CDK19: variants seen among roughly 807,000 people sequenced by gnomAD.
CDK19 encodes cyclin-dependent kinase 19.
Under a neutral mutation model 68.3 loss-of-function variants are expected in CDK19, and 20 were observed. That is an observed-to-expected ratio of 0.29 (90% confidence interval 0.21 to 0.43). The LOEUF is 0.43. CDK19 is among the 20% of genes least tolerant of loss of function. The pLI, the probability that CDK19 is intolerant of heterozygous loss-of-function variation, is 1.00. For synonymous variants in CDK19, 221 were observed against 222.8 expected (o/e 0.99, Z 0.07); for missense variants, 339 against 623.5 (o/e 0.54, Z 4.86).
At chr6:110,644,575 C>G (rs117559148) in intron 4 of CDK19, among the ~76,000 whole-genome samples, 4,285 of 152,254 alleles carry the variant, frequency 0.028, 85 homozygotes, top group South Asian at 0.083. Flanking sequence ...CCCATTTACC[C>G]TCTTGTGATT....
chr6:110,814,983 C>G, intron 1 of CDK19, 26 bp downstream of exon 1: 1 of 1,599,802 alleles, frequency 6.3e-7, no homozygotes, highest in Non-Finnish European at 8.5e-7. Context: ...CCCGAGCGAG[C>G]CTACTCCTCC....
At chr6:110,787,757 A>G (rs1781333445) in intron 1 of CDK19, among the ~76,000 whole-genome samples, 1 of 152,142 alleles carries the variant, frequency 6.6e-6, no homozygotes, top group Non-Finnish European at 1.5e-5. Flanking sequence ...TTGAGCTTCC[A>G]TAATTCAGTG....
intron 2 of CDK19, chr6:110,700,691 A>G (rs778978585): frequency 6.1e-6 from 1 of 163,734 alleles, no homozygotes; most frequent in Non-Finnish European, 1.4e-5. Context: ...TCTCAAGTAA[A>G]AGGACCAGTC....
chr6:110,772,515 A>T (rs1054062827), intron 1 of CDK19, among the ~76,000 whole-genome samples: 11 of 152,102 alleles, frequency 7.2e-5, no homozygotes, highest in African/African-American at 2.7e-4. Context: ...AAACAACTAT[A>T]ATTTCCAGAA....
At chr6:110,797,339 CAAAAAAAAA>C (rs879472403) in intron 1 of CDK19, among the ~76,000 whole-genome samples, 2 of 138,790 alleles carry the variant, frequency 1.4e-5, no homozygotes, top group Non-Finnish European at 3.1e-5. Context: ...GACTTCGTCT[CAAAAAAAAA>C]AGAAAAAAAA....
At chr6:110,786,705 T>C (rs569769042) in intron 1 of CDK19, among the ~76,000 whole-genome samples, 5 of 149,376 alleles carry the variant, frequency 3.3e-5, no homozygotes, top group Admixed American at 1.3e-4. Context: ...GTTGAACTCA[T>C]TGGGCTATGG....
At chr6:110,627,350 A>G (rs2114671455) in intron 6 of CDK19, among the ~76,000 whole-genome samples, 1 of 151,670 alleles carries the variant, frequency 6.6e-6, no homozygotes, top group African/African-American at 2.4e-5. Flanking sequence ...ATGTGTGTGT[A>G]TGTGTATATA....
At chr6:110,756,542 A>G (rs2114929762) in intron 1 of CDK19, among the ~76,000 whole-genome samples, 1 of 152,118 alleles carries the variant, frequency 6.6e-6, no homozygotes, top group East Asian at 1.9e-4. Context: ...AGCCTGGGCA[A>G]GACCCTGTCT....
chr6:110,713,478 C>CAAAAA (rs33973234), intron 2 of CDK19, among the ~76,000 whole-genome samples: 3 of 129,590 alleles, frequency 2.3e-5, no homozygotes, highest in Non-Finnish European at 3.1e-5. Context: ...CCTCTTGTCT[C>CAAAAA]AAAAAAAAAA....
At chr6:110,757,095 A>G (rs1778888918) in intron 1 of CDK19, among the ~76,000 whole-genome samples, 1 of 152,174 alleles carries the variant, frequency 6.6e-6, no homozygotes, top group South Asian at 2.1e-4. Context: ...TCTACTCTGG[A>G]CACCAGGGTA....
intron 3 of CDK19, among the ~76,000 whole-genome samples, chr6:110,669,426 A>T (rs1050506910): frequency 4.6e-5 from 7 of 152,174 alleles, no homozygotes; most frequent in African/African-American, 1.7e-4. Context: ...GCAGTGAACC[A>T]TAACTGTGCC....
chr6:110,687,861 C>G (rs1204389198), intron 2 of CDK19, among the ~76,000 whole-genome samples: 6 of 152,134 alleles, frequency 3.9e-5, no homozygotes, highest in Admixed American at 1.3e-4. Flanking sequence ...TTGCAGTGCA[C>G]CTAAGGACAA....
At chr6:110,616,878 T>C (rs960506875) in intron 12 of CDK19, among the ~76,000 whole-genome samples, 16 of 152,218 alleles carry the variant, frequency 1.1e-4, no homozygotes, top group Non-Finnish European at 1.8e-4. Context: ...GAATCTAATG[T>C]GCTGTAACAT....
In CDK19 at chr6:110,673,574, C is replaced by T. The variant is rs566261895; in HGVS notation, c.205-3033G>A. ...AACTTTTTTTGTAGAGATAGAGTCT[C>T]ACTACGTTGTCCAGGCTGGTGGAAC... On this transcript the variant is annotated intron_variant, in intron 2 of 12. Transcript: ENST00000368911. Among the ~76,000 whole-genome samples the T allele has an allele frequency of 4.5e-4, 69 of 151,752 alleles. 1 individual carries two copies. The highest frequency in any genetic ancestry group is 2.6e-4 in the Admixed American group (4 of 15,250).
At chr6:110,808,564 G>A (rs558166353) in intron 1 of CDK19, among the ~76,000 whole-genome samples, 1 of 152,158 alleles carries the variant, frequency 6.6e-6, no homozygotes, top group Non-Finnish European at 1.5e-5. Context: ...GCTGATCACT[G>A]CTCTAGATTA....
intron 2 of CDK19, among the ~76,000 whole-genome samples, chr6:110,734,523 C>G (rs1420715518): frequency 2.8e-5 from 3 of 108,166 alleles, no homozygotes; most frequent in Admixed American, 2.6e-4. Context: ...GAGCACTGCT[C>G]TCTCTCTCTC....
intron 4 of CDK19, among the ~76,000 whole-genome samples, chr6:110,660,727 A>T (rs1024473483): frequency 3.3e-5 from 5 of 152,128 alleles, no homozygotes; most frequent in African/African-American, 1.2e-4. Context: ...CTTATCTCCA[A>T]TATGCAACCA....
At position 110,683,426 on chromosome 6, in the gene CDK19, A is replaced by G. The variant is rs529058270; in HGVS notation, c.205-12885T>C. Among the ~76,000 whole-genome samples, 263 of 152,194 alleles carry G rather than the reference A, an allele frequency of 1.7e-3. 5 individuals are homozygous for G. Among genetic ancestry groups the G allele is most frequent in the South Asian group, 0.016 (76 of 4,820 alleles). On this transcript the variant is annotated intron_variant, in intron 2 of 12. Coordinates refer to ENST00000368911, the MANE Select transcript of CDK19 (RefSeq NM_015076.5). ...GCTTTGACATCAGAGATACTTAGAG[A>G]GTGAGGCTGAGTTGGAAAATGCCAC...
intron 2 of CDK19, among the ~76,000 whole-genome samples, chr6:110,683,276 T>C (rs1772173512): frequency 6.6e-6 from 1 of 152,124 alleles, no homozygotes; most frequent in South Asian, 2.1e-4. Context: ...CACCACTATT[T>C]GCAAGAATGT....
Sources: gnomAD v4.1 joint callset for allele counts (sites outside exome capture counted in the v4.1 genomes callset) on GRCh38, gnomAD v4.1.1 for gene constraint, MANE v1.5 for transcripts, NCBI Gene and HGNC (gene_info 2026-07-23, HGNC 2026-07-21) for gene names.